CCDC30: variants seen among roughly 807,000 people sequenced by gnomAD.
CCDC30 encodes coiled-coil domain-containing protein 30.
A neutral mutation model predicts 100.2 loss-of-function variants in CCDC30; 70 were observed. That is an observed-to-expected ratio of 0.70 (90% CI 0.58 to 0.85). CCDC30 has a LOEUF of 0.85. CCDC30 is among the 40% of genes least tolerant of loss of function. CCDC30 has a pLI of 0.00. For missense variants in CCDC30, 652 were observed against 771.2 expected, an observed-to-expected ratio of 0.85 and a Z score of 1.83; for synonymous variants, 233 against 269.5, an observed-to-expected ratio of 0.86 and a Z score of 1.33.
chr1:42,571,371 C>T (rs1345417630), intron 7 of CCDC30: 1 of 151,740 alleles, frequency 6.6e-6, no homozygotes, highest in Non-Finnish European at 1.5e-5. Context: ...AAAAATGAAA[C>T]TTCTAGGCTT....
At chr1:42,652,800 T>A (rs1163002290) in intron 15 of CCDC30, among the ~76,000 whole-genome samples, 2 of 152,216 alleles carry the variant, frequency 1.3e-5, no homozygotes, top group Non-Finnish European at 2.9e-5. Context: ...ATTGTATGAT[T>A]CTATTTATAT....
chr1:42,596,872 C>A lies in CCDC30; in HGVS notation c.1164+7389C>A, dbSNP rs1421856790. Among the ~76,000 whole-genome samples the A allele has an allele frequency of 1.3e-5, 2 of 151,988 alleles. No homozygotes were observed. The highest frequency in any genetic ancestry group is 4.8e-5 in the African/African-American group (2 of 41,368). ...AACTGTGATTAATGTGCTAAGGGCTCTAAGGAATAAAGTAGACCACATGCA... is the reference window on the plus strand; with the variant it reads ...AACTGTGATTAATGTGCTAAGGGCTATAAGGAATAAAGTAGACCACATGCA... On this transcript the variant is annotated intron_variant, in intron 10 of 16. Coordinates refer to ENST00000668663, the Ensembl canonical transcript of CCDC30. The surrounding 1 kb of genome is among the most constrained non-coding windows in gnomAD (Gnocchi z 4.3).
chr1:42,600,808 G>GCT (rs150834412), intron 10 of CCDC30, among the ~76,000 whole-genome samples: 56,586 of 146,620 alleles, frequency 0.39, 11,015 homozygotes, highest in Non-Finnish European at 0.44. Flanking sequence ...TTCCCCCTGT[G>GCT]CTCTCTCTCT....
At chr1:42,557,823 C>T (rs932757515) in intron 6 of CCDC30, among the ~76,000 whole-genome samples, 6 of 150,388 alleles carry the variant, frequency 4.0e-5, no homozygotes, top group African/African-American at 1.5e-4. Flanking sequence ...ATTTGTAATT[C>T]CTTAAGACGG....
intron 6 of CCDC30, among the ~76,000 whole-genome samples, chr1:42,501,927 G>A (rs1389234777): frequency 6.6e-6 from 1 of 152,188 alleles, no homozygotes; most frequent in Non-Finnish European, 1.5e-5. Flanking sequence ...GAGGCAGTCT[G>A]TCTGTTCTCA....
At chr1:42,517,269 G>T (rs1056578257) in intron 6 of CCDC30, among the ~76,000 whole-genome samples, 2 of 152,140 alleles carry the variant, frequency 1.3e-5, no homozygotes, top group African/African-American at 4.8e-5. Context: ...AAATTGTAGA[G>T]ATGGGATCTT....
At chr1:42,629,581 T>C (rs953936147) in intron 11 of CCDC30, among the ~76,000 whole-genome samples, 8 of 152,230 alleles carry the variant, frequency 5.3e-5, no homozygotes, top group Non-Finnish European at 1.0e-4. Flanking sequence ...TGGGAAGTTA[T>C]CTGCTATTAT....
At chr1:42,589,280 G>C (rs774929085) in intron 9 of CCDC30, 41 bp from the exon 14 acceptor site, 5 of 1,470,422 alleles carry the variant, frequency 3.4e-6, no homozygotes, top group Non-Finnish European at 4.6e-6. Flanking sequence ...AATTTCATTT[G>C]CAATTCATGG....
chr1:42,464,722 T>C (rs570184443), intron 1 of CCDC30, among the ~76,000 whole-genome samples: 1 of 152,372 alleles, frequency 6.6e-6, no homozygotes, highest in East Asian at 1.9e-4. Flanking sequence ...GCATTCCTTG[T>C]TGAATCTTAC....
intron 3 of CCDC30, among the ~76,000 whole-genome samples, chr1:42,488,587 T>C (rs867230114): frequency 4.6e-5 from 7 of 152,134 alleles, no homozygotes; most frequent in African/African-American, 1.7e-4. Flanking sequence ...TGTATAGGTG[T>C]GAGCCACTGT....
intron 1 of CCDC30, 65 bp downstream of exon 1, chr1:42,463,963 C>T (rs1466248348): frequency 1.3e-5 from 2 of 152,262 alleles, no homozygotes; most frequent in Non-Finnish European, 2.9e-5. Context: ...CAAGCACCAG[C>T]TTTCTCATCC....
chr1:42,510,119 G>A (rs181919774), intron 6 of CCDC30: 18,025 of 984,550 alleles, frequency 0.018, 196 homozygotes, highest in Admixed American at 0.032. Flanking sequence ...CAGGGCATCT[G>A]GAAGTTGCAT....
chr1:42,609,230 T>G (rs920479571), intron 10 of CCDC30, among the ~76,000 whole-genome samples: 2 of 152,190 alleles, frequency 1.3e-5, no homozygotes, highest in Non-Finnish European at 2.9e-5. Context: ...TGAAAAATTT[T>G]GTGATGATCC....
chr1:42,650,115 AC>A (rs1448363990), intron 15 of CCDC30, among the ~76,000 whole-genome samples: 2 of 152,184 alleles, frequency 1.3e-5, no homozygotes, highest in Non-Finnish European at 2.9e-5. Flanking sequence ...ATGTGGAACT[AC>A]AAAACCCCCA....
chr1:42,475,858 G>C (rs1643875768), intron 1 of CCDC30, among the ~76,000 whole-genome samples: 1 of 151,844 alleles, frequency 6.6e-6, no homozygotes. Context: ...CCAGTTTAGG[G>C]GAGGCAAAAC....
Position 42,490,256 on chromosome 1 carries a change from T to G in CCDC30, c.241+27T>G, listed in dbSNP as rs116083047. The G allele has an allele frequency of 5.6e-4, 597 of 1,061,604 alleles. 5 individuals carry two copies. The African/African-American group carries it at 9.3e-3, about 17-fold the overall frequency. 65.8% of individuals were successfully genotyped at this position (1,061,604 alleles called of 1,614,324 possible). ...TAAGTCATTCTAGAAGATATGATGATTATTATTTAGTAGCCAAGAATGGTG... is the reference window on the plus strand; with the variant it reads ...TAAGTCATTCTAGAAGATATGATGAGTATTATTTAGTAGCCAAGAATGGTG... On this transcript the variant is annotated intron_variant, in intron 4 of 16. Transcript: ENST00000668663.
exon 14 of CCDC30, chr1:42,644,757 A>T: frequency 6.2e-7 from 1 of 1,613,798 alleles, no homozygotes; most frequent in South Asian, 1.1e-5. Context: ...CACACAGCAG[A>T]TTGGCTTCTT....
At chr1:42,559,324 C>T (rs575151697) in intron 6 of CCDC30, among the ~76,000 whole-genome samples, 1 of 152,208 alleles carries the variant, frequency 6.6e-6, no homozygotes, top group African/African-American at 2.4e-5. Flanking sequence ...GAGCTAAATG[C>T]CCCAATTAAA....
intron 3 of CCDC30, among the ~76,000 whole-genome samples, chr1:42,486,622 C>T (rs910470835): frequency 1.3e-5 from 2 of 152,176 alleles, no homozygotes; most frequent in East Asian, 1.9e-4. Flanking sequence ...CCACTGGGAG[C>T]GGACTCTTGG....
Sources: gnomAD v4.1 joint callset for allele counts (sites outside exome capture counted in the v4.1 genomes callset) on GRCh38, gnomAD v4.1.1 for gene constraint, Gnocchi (gnomAD v3.1) non-coding constraint, MANE v1.5 for transcripts, NCBI Gene and HGNC (gene_info 2026-07-23, HGNC 2026-07-21) for gene names.